NXPH1: variants seen among roughly 807,000 people sequenced by gnomAD.
NXPH1 encodes neurexophilin-1.
A neutral mutation model predicts 23.7 loss-of-function variants in NXPH1; 5 were observed. The observed-to-expected ratio is 0.21, with a 90% CI of 0.11 to 0.44. The LOEUF is 0.44. Ranked by LOEUF, NXPH1 falls within the 20% of genes least tolerant of loss-of-function variation. NXPH1 has a pLI of 0.99. For missense variants in NXPH1, 324 were observed against 321.6 expected, an observed-to-expected ratio of 1.01 and a Z score of -0.06; for synonymous variants, 144 against 122.2, an observed-to-expected ratio of 1.18 and a Z score of -1.18.
intron 2 of NXPH1, among the ~76,000 whole-genome samples, chr7:8,474,754 T>C (rs575112246): frequency 1.4e-4 from 22 of 152,180 alleles, no homozygotes; most frequent in Non-Finnish European, 2.4e-4. Flanking sequence ...TCGAGGTCTA[T>C]ACTTTTTCAT....
chr7:8,705,424 G>A (rs1435007346), intron 2 of NXPH1, among the ~76,000 whole-genome samples: 1 of 152,164 alleles, frequency 6.6e-6, no homozygotes, highest in Admixed American at 6.5e-5. Context: ...ATCCCTGCCA[G>A]GACGGTGAAC....
At chr7:8,703,526 T>A (rs1779659182) in intron 2 of NXPH1, among the ~76,000 whole-genome samples, 1 of 147,178 alleles carries the variant, frequency 6.8e-6, no homozygotes, top group Non-Finnish European at 1.5e-5. Flanking sequence ...GGTTATGTAT[T>A]TGTCTTTGTC....
At chr7:8,445,496 G>A (rs528696255) in intron 2 of NXPH1, among the ~76,000 whole-genome samples, 169 of 152,304 alleles carry the variant, frequency 1.1e-3, no homozygotes, top group Non-Finnish European at 2.1e-3. Flanking sequence ...ATAGTGTAAC[G>A]GGGCCTTCTA....
rs555109859 is a variant in NXPH1 at position 8,703,972 on chromosome 7, T to C, written c.55-47036T>C. Among the ~76,000 whole-genome samples the C allele has an allele frequency of 3.3e-5, 5 of 152,198 alleles. No homozygotes were observed. The East Asian group carries it at 7.7e-4, about 23-fold the overall frequency. ...AGAATACTCCAGAGGAAGAATGAAG[T>C]CTGACCCAGGATAAGATAACTTATA... On this transcript the variant is annotated intron_variant, in intron 2 of 2. Transcript: ENST00000405863.
intron 2 of NXPH1, among the ~76,000 whole-genome samples, chr7:8,464,471 C>G (rs149713870): frequency 1.3e-3 from 201 of 152,278 alleles, no homozygotes; most frequent in African/African-American, 4.6e-3. Context: ...TACCCCACTA[C>G]ACTAATTCTT....
At position 8,646,455 on chromosome 7, in the gene NXPH1, T is replaced by C. The variant is rs149686967; in HGVS notation, c.55-104553T>C. Reference sequence around the variant, plus strand: ...TTTGCCTATCTTGATTCACTTTATTTTGTTTTCTTGTCTGATATTCCTGGC... The same window carrying C: ...TTTGCCTATCTTGATTCACTTTATTCTGTTTTCTTGTCTGATATTCCTGGC... On this transcript the variant is annotated intron_variant, in intron 2 of 2. Coordinates refer to ENST00000405863, the MANE Select transcript of NXPH1 (RefSeq NM_152745.3). Among the ~76,000 whole-genome samples, 1,184 of 152,292 alleles carry C rather than the reference T, an allele frequency of 7.8e-3. 14 individuals are homozygous for C. Among genetic ancestry groups the C allele is most frequent in the Middle Eastern group, 0.045 (13 of 292 alleles).
intron 2 of NXPH1, among the ~76,000 whole-genome samples, chr7:8,674,922 A>C (rs893139569): frequency 6.6e-6 from 1 of 152,206 alleles, no homozygotes; most frequent in African/African-American, 2.4e-5. Flanking sequence ...CTTACGGTCA[A>C]GCCCTTACTG....
intron 2 of NXPH1, among the ~76,000 whole-genome samples, chr7:8,493,094 A>G (rs1817278401): frequency 6.6e-6 from 1 of 151,928 alleles, no homozygotes; most frequent in African/African-American, 2.4e-5. Flanking sequence ...TCTCCTCTCG[A>G]CTATCTTTGT....
intron 2 of NXPH1, among the ~76,000 whole-genome samples, chr7:8,468,050 C>T (rs111460045): frequency 1.1e-4 from 16 of 152,086 alleles, no homozygotes; most frequent in Non-Finnish European, 1.8e-4. Context: ...TCCATCCATA[C>T]TCCATTTAAA....
At chr7:8,502,666 G>A (rs1015163948) in intron 2 of NXPH1, among the ~76,000 whole-genome samples, 9 of 151,760 alleles carry the variant, frequency 5.9e-5, no homozygotes, top group Admixed American at 2.0e-4. Context: ...TGCCCAGGCT[G>A]AGATAGAGCT....
intron 2 of NXPH1, among the ~76,000 whole-genome samples, chr7:8,519,259 CA>C: frequency 6.6e-6 from 1 of 152,092 alleles, no homozygotes; most frequent in East Asian, 1.9e-4. Flanking sequence ...TACATTTACT[CA>C]AAAAACACCT....
intron 2 of NXPH1, among the ~76,000 whole-genome samples, chr7:8,528,145 T>C (rs1817893833): frequency 6.6e-6 from 1 of 152,214 alleles, no homozygotes; most frequent in Non-Finnish European, 1.5e-5. Context: ...TGGTTTCATT[T>C]ACAGAAAACA....
intron 2 of NXPH1, among the ~76,000 whole-genome samples, chr7:8,717,894 G>GTGTATATATATATATATA (rs71545892): frequency 2.0e-4 from 30 of 147,146 alleles, no homozygotes; most frequent in Non-Finnish European, 3.0e-4. Flanking sequence ...CTCTCTGTGT[G>GTGTATATATATATATATA]TATATATATA....
At chr7:8,733,983 A>G (rs1164339311) in intron 2 of NXPH1, among the ~76,000 whole-genome samples, 3 of 151,022 alleles carry the variant, frequency 2.0e-5, no homozygotes, top group African/African-American at 7.3e-5. Context: ...TTGCCTAAGT[A>G]TTCCAGGGTT....
rs1351006236 is a variant in NXPH1, at chr7:8,435,674, T to C, written c.-40T>C. ...TCTATGTTTCTGAAGGAACAAAGAC[T>C]CAAAGAAGGCACCGCCAAGGAAGTT... On this transcript the variant is annotated 5_prime_UTR_variant, in exon 2 of 3. Transcript: ENST00000405863. This position sits in a 1 kb window ranked among gnomAD's most constrained non-coding sequence, Gnocchi z 5.9. 31 of 1,600,964 alleles carry C rather than the reference T, an allele frequency of 1.9e-5. 1 individual carries two copies. In the Admixed American group the frequency reaches 4.8e-4, roughly 25 times the overall value.
chr7:8,514,694 G>A (rs1339376043), intron 2 of NXPH1, among the ~76,000 whole-genome samples: 1 of 152,050 alleles, frequency 6.6e-6, no homozygotes, highest in East Asian at 1.9e-4. Flanking sequence ...TGTAAGTTCT[G>A]TACATCTCTC....
chr7:8,650,621 A>G (rs978883358), intron 2 of NXPH1, among the ~76,000 whole-genome samples: 31 of 152,212 alleles, frequency 2.0e-4, no homozygotes, highest in African/African-American at 7.5e-4. Flanking sequence ...AAATACTTGC[A>G]TGTCTGTACA....
At chr7:8,509,247 A>G (rs1487528159) in intron 2 of NXPH1, among the ~76,000 whole-genome samples, 5 of 152,162 alleles carry the variant, frequency 3.3e-5, no homozygotes. Flanking sequence ...CTAAGACATG[A>G]TGATTTCATA....
chr7:8,550,370 T>C (rs2128619552), intron 2 of NXPH1, among the ~76,000 whole-genome samples: 1 of 151,690 alleles, frequency 6.6e-6, no homozygotes, highest in Non-Finnish European at 1.5e-5. Context: ...ACAAAATGGA[T>C]AATATATTTT....
Sources: allele counts gnomAD v4.1 joint callset (sites outside exome capture counted in the v4.1 genomes callset), GRCh38; gene constraint gnomAD v4.1.1; non-coding constraint Gnocchi (gnomAD v3.1); transcripts MANE v1.5; gene names NCBI Gene and HGNC (gene_info 2026-07-23, HGNC 2026-07-21).